CXCR3: variants seen among roughly 807,000 people sequenced by gnomAD.
CXCR3 encodes the protein C-X-C motif chemokine receptor 3.
For missense variants in CXCR3, 239 were observed against 310.2 expected (o/e 0.77, Z 1.72); for synonymous variants, 136 against 148.0 (o/e 0.92, Z 0.59).
Position 71,617,061 on chromosome X carries a change from T to C in CXCR3, c.411A>G (p.Ala137=), listed in dbSNP as rs1569444152. Residue 137 remains alanine (A), a synonymous_variant, in exon 2 of 2, where the codon GCA becomes GCG. Coordinates refer to ENST00000373693, the MANE Select transcript of CXCR3 (RefSeq NM_001504.2). ...TGATGCAGGCCAGCAGGAGGGCTCC[T>C]GCGTAGAAGTTGATGTTGAAGAGGG... ...AGALFNINFY[A]GALLLACISF... The C allele has an allele frequency of 1.7e-6, 2 of 1,199,081 alleles. No homozygotes were observed. The highest frequency in any genetic ancestry group is 2.3e-6 in the Non-Finnish European group (2 of 888,134).
At chrX:71,617,795 G>A in intron 1 of CXCR3, 4 of 789,765 alleles carry the variant, frequency 5.1e-6, no homozygotes, top group Admixed American at 4.5e-5. Flanking sequence ...CTTGCCTTGC[G>A]TCCTCAGTGC....
chrX:71,617,254 G>C lies in CXCR3; in HGVS notation c.218C>G (p.Ala73Gly), dbSNP rs773243779. 4.2e-6 allele frequency: 5 copies of C among 1,197,953 alleles called. 1 individual carries two copies. The highest frequency in any genetic ancestry group is 5.6e-6 in the Non-Finnish European group (5 of 888,348). The stretch of plus-strand genomic sequence containing the variant: ...CCGGCTCAGCAGCACGGCTGCCACC[G>C]CGCCGTTGCCCAGCAGCCCCAGCAG... ...LFLLGLLGNG[A>G]VAAVLLSRRT... is the part of the protein sequence containing the mutation. Residue 73 changes from alanine to glycine, a missense_variant, in exon 2 of 2, where the codon GCG becomes GGG. By Grantham distance (60) the Ala-to-Gly change is moderately conservative (BLOSUM62 0). Coordinates refer to ENST00000373693, the MANE Select transcript of CXCR3 (RefSeq NM_001504.2).
chrX:71,616,846 T>A lies in CXCR3; in HGVS notation c.626A>T (p.Gln209Leu). 1 of 1,210,180 alleles carries A rather than the reference T, an allele frequency of 8.3e-7. No homozygotes were observed. Among genetic ancestry groups the A allele is most frequent in the East Asian group, 3.0e-5 (1 of 33,757 alleles). The change falls in exon 2 of 2, where the codon CAG becomes CTG. Residue 209 changes from glutamine (Q) to leucine (L), a missense_variant. By Grantham distance (113) the Gln-to-Leu change is moderately radical. Transcript: ENST00000373693. ...NATHCQYNFPQVGRTALRVLQ... is the reference protein window; with the variant it reads ...NATHCQYNFPLVGRTALRVLQ... ...CACCCGCAGAGCCGTGCGGCCCACC[T>A]GTGGGAAGTTGTATTGGCAGTGGGT... is the stretch of plus-strand genomic sequence containing the variant.
intron 1 of CXCR3, chrX:71,617,798 C>A: frequency 1.4e-6 from 1 of 740,516 alleles, no homozygotes; most frequent in Non-Finnish European, 1.9e-6. Flanking sequence ...GCCTTGCGTC[C>A]TCAGTGCCCC....
Position 71,617,247 on chromosome X carries a change from T to G in CXCR3, c.225A>C (p.Ala75=). The change falls in exon 2 of 2, where the codon GCA becomes GCC. Residue 75 remains alanine, a synonymous_variant. Transcript: ENST00000373693. ...CTGTCCGCCGGCTCAGCAGCACGGC[T>G]GCCACCGCGCCGTTGCCCAGCAGCC... ...LLGLLGNGAV[A]AVLLSRRTAL... is the part of the protein sequence containing the mutation. 4.2e-6 allele frequency: 5 copies of G among 1,198,200 alleles called. No homozygotes were observed. The highest frequency in any genetic ancestry group is 5.6e-6 in the Non-Finnish European group (5 of 888,601).
In CXCR3 at chrX:71,617,313, C is replaced by T. The variant is rs1168066677; in HGVS notation, c.159G>A (p.Arg53=). 1 of 1,206,636 alleles carries T rather than the reference C, an allele frequency of 8.3e-7. No individual in the cohort carries two copies. Among genetic ancestry groups the T allele is most frequent in the Non-Finnish European group, 1.1e-6 (1 of 893,519 alleles). ...CPQDFSLNFD[R]AFLPALYSLL... ...GGCTGTAGAGGGCTGGCAGGAAGGC[C>T]CGGTCGAAGTTCAGGCTGAAGTCCT... Residue 53 remains arginine, a synonymous_variant, in exon 2 of 2, where the codon CGG becomes CGA. Coordinates refer to ENST00000373693, the MANE Select transcript of CXCR3 (RefSeq NM_001504.2).
chrX:71,617,268 C>A lies in CXCR3; in HGVS notation c.204G>T (p.Leu68=). The part of the protein sequence containing the change: ...ALYSLLFLLG[L]LGNGAVAAVL... ...CGGCTGCCACCGCGCCGTTGCCCAG[C>A]AGCCCCAGCAGAAAGAGGAGGCTGT... Residue 68 remains leucine (L), a synonymous_variant, in exon 2 of 2, where the codon CTG becomes CTT. Coordinates refer to ENST00000373693, the MANE Select transcript of CXCR3 (RefSeq NM_001504.2). 1 of 1,199,370 alleles carries A rather than the reference C, an allele frequency of 8.3e-7. No homozygotes were observed. The highest frequency in any genetic ancestry group is 1.1e-6 in the Non-Finnish European group (1 of 889,105).
rs1233057158 is a variant in CXCR3 at position 71,616,980 on chromosome X, G to A, written c.492C>T (p.Pro164=). ...GGCAGGTGAGGGTCACGCGGGCCGG[G>A]GGCCCCCGGCGGTAGAGCTGGGTGG... ...VHATQLYRRG[P]PARVTLTCLA... Residue 164 remains proline, a synonymous_variant, in exon 2 of 2, where the codon CCC becomes CCT. Coordinates refer to ENST00000373693, the MANE Select transcript of CXCR3 (RefSeq NM_001504.2). 8.3e-7 allele frequency: 1 copy of A among 1,208,795 alleles called. No homozygotes were observed.
At chrX:71,617,788 G>T in intron 1 of CXCR3, 2 of 876,834 alleles carry the variant, frequency 2.3e-6, no homozygotes, top group Non-Finnish European at 3.0e-6. Context: ...CTTCAGGCTT[G>T]CCTTGCGTCC....
chrX:71,617,792 T>A (rs2040864936), intron 1 of CXCR3: 1 of 843,548 alleles, frequency 1.2e-6, no homozygotes, highest in South Asian at 3.4e-5. Flanking sequence ...AGGCTTGCCT[T>A]GCGTCCTCAG....
At position 71,616,588 on chromosome X, in the gene CXCR3, C is replaced by T. The variant is rs1429457169; in HGVS notation, c.884G>A (p.Arg295Lys). Residue 295 changes from arginine to lysine, a missense_variant, in exon 2 of 2, where the codon AGG (arginine) becomes AAG (lysine). By Grantham distance (26) the Arg-to-Lys change is conservative. Coordinates refer to ENST00000373693, the MANE Select transcript of CXCR3 (RefSeq NM_001504.2). ...GGTGACCGACTTGGCCACGTCTACC[C>T]TGCTTTCTCGGCCACAGTTGCGGGC... Reference protein sequence around the residue: ...ALARNCGRESRVDVAKSVTSG... With the variant: ...ALARNCGRESKVDVAKSVTSG... 2 of 1,212,142 alleles carry T rather than the reference C, an allele frequency of 1.6e-6. No homozygotes were observed. The highest frequency in any genetic ancestry group is 1.8e-5 in the South Asian group (1 of 56,993).
In CXCR3 at chrX:71,616,468, C is replaced by T. The variant is rs1240827614; in HGVS notation, c.1004G>A (p.Arg335His). 8.3e-6 allele frequency: 10 copies of T among 1,209,793 alleles called. No individual in the cohort carries two copies. The highest frequency in any genetic ancestry group is 2.3e-4 in the Middle Eastern group (1 of 4,374). The change falls in exon 2 of 2, where the codon CGC (arginine) becomes CAC (histidine). Residue 335 changes from arginine (R) to histidine (H), a missense_variant. Arg to His is a conservative substitution (Grantham distance 29). Transcript: ENST00000373693. ...CCCTCTCTGGTTGGGGCAGCCCAGG[C>T]GCAAGAGCAGCATCCACATCCGCTC... ...FRERMWMLLL[R>H]LGCPNQRGLQ...
chrX:71,616,401 C>A lies in CXCR3; in HGVS notation c.1071G>T (p.Trp357Cys). The part of the protein sequence containing the change: ...QPSSSRRDSS[W>C]SETSEASYSG... Reference sequence around the variant, plus strand: ...AGTAGGAGGCCTCTGAGGTCTCAGACCAGGATGAATCCCGGCGGGAAGACG... The same window carrying A: ...AGTAGGAGGCCTCTGAGGTCTCAGAACAGGATGAATCCCGGCGGGAAGACG... The change falls in exon 2 of 2, where the codon TGG (tryptophan) becomes TGT (cysteine). Residue 357 changes from tryptophan (W) to cysteine (C), a missense_variant. Trp to Cys is a radical substitution (Grantham distance 215). Coordinates refer to ENST00000373693, the MANE Select transcript of CXCR3 (RefSeq NM_001504.2). 1 of 1,206,174 alleles carries A rather than the reference C, an allele frequency of 8.3e-7. No individual in the cohort carries two copies. Among genetic ancestry groups the A allele is most frequent in the Non-Finnish European group, 1.1e-6 (1 of 892,417 alleles).
In CXCR3 at chrX:71,617,254, G is replaced by A. The variant is rs773243779; in HGVS notation, c.218C>T (p.Ala73Val). 7 of 1,196,326 alleles carry A rather than the reference G, an allele frequency of 5.9e-6. No homozygotes were observed. In the Admixed American group the frequency reaches 9.2e-5, roughly 16 times the overall value. ...LFLLGLLGNGAVAAVLLSRRT... is the reference protein window; with the variant it reads ...LFLLGLLGNGVVAAVLLSRRT... ...CCGGCTCAGCAGCACGGCTGCCACC[G>A]CGCCGTTGCCCAGCAGCCCCAGCAG... Residue 73 changes from alanine to valine, a missense_variant, in exon 2 of 2, where the codon GCG becomes GTG. Ala to Val is a moderately conservative substitution (Grantham distance 64). Transcript: ENST00000373693.
chrX:71,616,031 C>T lies in CXCR3; in HGVS notation c.*334G>A. ...GCCACAGTCACTGCTGAGCTGGAGG[C>T]CTGGGCTGTGGCTTCATGGGGCAGC... is the stretch of plus-strand genomic sequence containing the variant. On this transcript the variant is annotated 3_prime_UTR_variant, in exon 2 of 2. Coordinates refer to ENST00000373693, the MANE Select transcript of CXCR3 (RefSeq NM_001504.2). 4.1e-6 allele frequency: 1 copy of T among 245,383 alleles called. No individual in the cohort carries two copies. The highest frequency in any genetic ancestry group is 7.2e-6 in the Non-Finnish European group (1 of 138,085). The allele number at this position is 245,383 out of a possible 1,213,427, so 20.2% of individuals were successfully genotyped here.
chrX:71,616,014 C>T lies in CXCR3; in HGVS notation c.*351G>A, dbSNP rs2040842850. The T allele has an allele frequency of 8.9e-6, 2 of 224,509 alleles. No individual in the cohort carries two copies. Among genetic ancestry groups the T allele is most frequent in the Non-Finnish European group, 8.0e-6 (1 of 124,540 alleles). The allele number at this position is 224,509 out of a possible 1,213,427, so 18.5% of individuals were successfully genotyped here. On this transcript the variant is annotated 3_prime_UTR_variant, in exon 2 of 2. Coordinates refer to ENST00000373693, the MANE Select transcript of CXCR3 (RefSeq NM_001504.2). ...AGGTCTTGGGGACCATGGCCACAGT[C>T]ACTGCTGAGCTGGAGGCCTGGGCTG... is the stretch of plus-strand genomic sequence containing the variant.
chrX:71,616,050 G>A lies in CXCR3; in HGVS notation c.*315C>T. On this transcript the variant is annotated 3_prime_UTR_variant, in exon 2 of 2. Coordinates refer to ENST00000373693, the MANE Select transcript of CXCR3 (RefSeq NM_001504.2). ...TGGAGGCCTGGGCTGTGGCTTCATG[G>A]GGCAGCACCCTCTACGCCATGCCTT... The A allele has an allele frequency of 3.7e-6, 1 of 271,260 alleles. No individual in the cohort carries two copies. Among genetic ancestry groups the A allele is most frequent in the Non-Finnish European group, 6.5e-6 (1 of 154,655 alleles). The allele number at this position is 271,260 out of a possible 1,213,427, so 22.4% of individuals were successfully genotyped here.
Position 71,616,378 on chromosome X carries a change from T to C in CXCR3, c.1094A>G (p.Tyr365Cys). The change falls in exon 2 of 2, where the codon TAC becomes TGC. Residue 365 changes from tyrosine to cysteine, a missense_variant. By Grantham distance (194) the Tyr-to-Cys change is radical (BLOSUM62 -2). Coordinates refer to ENST00000373693, the MANE Select transcript of CXCR3 (RefSeq NM_001504.2). ...CGGATTCCGGCCTCACAAGCCCGAG[T>C]AGGAGGCCTCTGAGGTCTCAGACCA... is the stretch of plus-strand genomic sequence containing the variant. Reference protein sequence around the residue: ...SSWSETSEASYSGL With the variant: ...SSWSETSEASCSGL The C allele has an allele frequency of 8.4e-7, 1 of 1,189,708 alleles. No individual in the cohort carries two copies. Among genetic ancestry groups the C allele is most frequent in the Non-Finnish European group, 1.1e-6 (1 of 882,335 alleles).
intron 1 of CXCR3, among the ~76,000 whole-genome samples, chrX:71,617,922 C>G (rs1420645920): frequency 8.5e-5 from 9 of 105,543 alleles, no homozygotes; most frequent in Non-Finnish European, 1.4e-4. Context: ...CCCCAACTTC[C>G]TGCGCCCCCC....
Sources: gnomAD v4.1 joint callset for allele counts (sites outside exome capture counted in the v4.1 genomes callset) on GRCh38, gnomAD v4.1.1 for gene constraint, MANE v1.5 for transcripts, NCBI Gene and HGNC (gene_info 2026-07-23, HGNC 2026-07-21) for gene names.